DNAH2: variants seen among roughly 807,000 people sequenced by gnomAD.
DNAH2 encodes the protein axonemal beta dynein heavy chain 2.
A neutral mutation model predicts 523.5 loss-of-function variants in DNAH2; 323 were observed. The observed-to-expected ratio is 0.62, with a 90% confidence interval of 0.56 to 0.68. DNAH2 has a LOEUF of 0.68. Among genes scored for constraint, DNAH2 ranks in the 30% least tolerant of loss-of-function variants. The pLI is 0.00. For missense variants in DNAH2, 4,907 were observed against 5,701.5 expected, an observed-to-expected ratio of 0.86 and a Z score of 4.49; for synonymous variants, 2,093 against 2,177.4, an observed-to-expected ratio of 0.96 and a Z score of 1.08.
intron 28 of DNAH2, 97 bp downstream of exon 28, chr17:7,771,565 AG>A: frequency 7.4e-7 from 1 of 1,348,864 alleles, no homozygotes; most frequent in Non-Finnish European, 1.0e-6. Flanking sequence ...TGATGCCCCC[AG>A]CTCTCCTAAC....
chr17:7,795,539 T>C (rs894834923), intron 49 of DNAH2, among the ~76,000 whole-genome samples: 5 of 151,378 alleles, frequency 3.3e-5, no homozygotes, highest in Admixed American at 2.6e-4. Flanking sequence ...CCGGGTGTGG[T>C]GGTGCACACC....
In DNAH2 at chr17:7,817,627, A is replaced by G; in HGVS notation, c.10087A>G (p.Lys3363Glu). The change falls in exon 66 of 86, where the codon AAA becomes GAA. Residue 3363 changes from lysine to glutamate, a missense_variant. By Grantham distance (56) the Lys-to-Glu change is moderately conservative (BLOSUM62 1). Coordinates refer to ENST00000572933, the MANE Select transcript of DNAH2 (RefSeq NM_020877.5). ...AIDNFLCNPTKVRDWNIQGLP... is the reference protein window; with the variant it reads ...AIDNFLCNPTEVRDWNIQGLP... ...CGATAACTTCCTGTGCAATCCTACC[A>G]AAGTCCGGGACTGGAACATCCAAGG... 6.2e-7 allele frequency: 1 copy of G among 1,614,072 alleles called. No homozygotes were observed. Among genetic ancestry groups the G allele is most frequent in the Non-Finnish European group, 8.5e-7 (1 of 1,179,996 alleles).
At position 7,768,073 on chromosome 17, in the gene DNAH2, C is replaced by G; in HGVS notation, c.3837+12C>G. On this transcript the variant is annotated intron_variant, in intron 23 of 85. Coordinates refer to ENST00000572933, the MANE Select transcript of DNAH2 (RefSeq NM_020877.5). Reference sequence around the variant, plus strand: ...CCAAAGAGTATAAGGTGGGGAGAAACGGCGGGGAGGCGGAAGAGAAGCTGG... The same window carrying G: ...CCAAAGAGTATAAGGTGGGGAGAAAGGGCGGGGAGGCGGAAGAGAAGCTGG... 1.2e-6 allele frequency: 2 copies of G among 1,614,066 alleles called. No homozygotes were observed. The highest frequency in any genetic ancestry group is 1.1e-5 in the South Asian group (1 of 91,086).
At chr17:7,790,360 C>T (rs1265010773) in intron 44 of DNAH2, among the ~76,000 whole-genome samples, 2 of 151,946 alleles carry the variant, frequency 1.3e-5, no homozygotes, top group African/African-American at 2.4e-5. Context: ...GTAGCTGGGA[C>T]CGCAGGCGTG....
chr17:7,785,099 T>C (rs1363694757), intron 39 of DNAH2, among the ~76,000 whole-genome samples: 8 of 151,822 alleles, frequency 5.3e-5, no homozygotes, highest in African/African-American at 1.9e-4. Flanking sequence ...AGAGAATTTT[T>C]TTTTTTTTTT....
At chr17:7,757,294 CTCTTA>C in intron 13 of DNAH2, 57 bp downstream of exon 13, 1 of 1,584,228 alleles carries the variant, frequency 6.3e-7, no homozygotes, top group East Asian at 2.3e-5. Context: ...CCTTCTTTTT[CTCTTA>C]TCTGCCCTGT....
intron 63 of DNAH2, 104 bp from the exon 64 acceptor site, chr17:7,816,467 A>G (rs996827081): frequency 3.1e-5 from 42 of 1,354,102 alleles, no homozygotes; most frequent in Admixed American, 6.0e-5. Flanking sequence ...TTAATTTAAC[A>G]AAGCTACAAA....
At chr17:7,830,159 ACGGCT>A in intron 77 of DNAH2, 136 bp from the exon 78 acceptor site, 1 of 803,048 alleles carries the variant, frequency 1.2e-6, no homozygotes, top group Non-Finnish European at 1.9e-6. Context: ...ATGTAGATCA[ACGGCT>A]ACATTTCAGC....
In DNAH2 at chr17:7,768,161, C is replaced by T. The variant is rs756549502; in HGVS notation, c.3838-3C>T. On this transcript the variant is annotated splice_polypyrimidine_tract_variant and splice_region_variant and intron_variant, in intron 23 of 85. Coordinates refer to ENST00000572933, the MANE Select transcript of DNAH2 (RefSeq NM_020877.5). ...TCTTCTCATGCCCCCAACTTTTGCT[C>T]AGGACCGAAACTGGGAAATTATTGA... The T allele has an allele frequency of 1.2e-6, 2 of 1,614,160 alleles. No individual in the cohort carries two copies. Among genetic ancestry groups the T allele is most frequent in the Middle Eastern group, 3.3e-4 (2 of 6,062 alleles).
At position 7,832,176 on chromosome 17, in the gene DNAH2, C is replaced by T. The variant is rs891918865; in HGVS notation, c.12726+401C>T. ...CCTGTAGTTGGGGAACAGGGGCTGC[C>T]ACCACATAGTCTTCTCATATCTGCT... On this transcript the variant is annotated intron_variant, in intron 82 of 85. Coordinates refer to ENST00000572933, the MANE Select transcript of DNAH2 (RefSeq NM_020877.5). The surrounding 1 kb of genome is among the most constrained non-coding windows in gnomAD (Gnocchi z 4.3). Among the ~76,000 whole-genome samples, 1 of 152,118 alleles carries T rather than the reference C, an allele frequency of 6.6e-6. No homozygotes were observed. The highest frequency in any genetic ancestry group is 6.6e-5 in the Admixed American group (1 of 15,256).
chr17:7,818,851 A>T lies in DNAH2; in HGVS notation c.10671-68A>T. The T allele has an allele frequency of 2.5e-6, 4 of 1,608,390 alleles. No individual in the cohort carries two copies. In the South Asian group the frequency reaches 4.4e-5, roughly 18 times the overall value. On this transcript the variant is annotated intron_variant, in intron 70 of 85. Transcript: ENST00000572933. ...AGCCTCCACCCAGTCTACCCCAGGC[A>T]CAACAGCATCCCAGGGAGCCTGGTC...
intron 77 of DNAH2, 56 bp from the exon 78 acceptor site, chr17:7,830,244 G>T: frequency 6.5e-7 from 1 of 1,529,116 alleles, no homozygotes. Context: ...GGCAGTGCTA[G>T]TGGCAGGTCT....
chr17:7,775,922 G>T, intron 30 of DNAH2, 102 bp from the exon 31 acceptor site: 1 of 1,469,160 alleles, frequency 6.8e-7, no homozygotes, highest in Non-Finnish European at 9.2e-7. Flanking sequence ...CTTTTCTCTG[G>T]GTACAAAGCC....
At chr17:7,789,199 G>A (rs2076829399) in intron 44 of DNAH2, among the ~76,000 whole-genome samples, 3 of 152,150 alleles carry the variant, frequency 2.0e-5, no homozygotes, top group Non-Finnish European at 1.5e-5. Context: ...AACCGCAGAT[G>A]GACTTGCCAG....
chr17:7,827,126 C>T (rs183572925), intron 77 of DNAH2, among the ~76,000 whole-genome samples: 5 of 152,114 alleles, frequency 3.3e-5, no homozygotes, highest in African/African-American at 1.2e-4. Flanking sequence ...ATGTTCTTCG[C>T]GTTTTGTAGT....
chr17:7,830,789 C>A lies in DNAH2; in HGVS notation c.12177C>A (p.Thr4059=). 6.2e-7 allele frequency: 1 copy of A among 1,614,098 alleles called. No individual in the cohort carries two copies. The highest frequency in any genetic ancestry group is 8.5e-7 in the Non-Finnish European group (1 of 1,180,048). The change falls in exon 79 of 86, where the codon ACC becomes ACA. Residue 4059 remains threonine, a synonymous_variant. Coordinates refer to ENST00000572933, the MANE Select transcript of DNAH2 (RefSeq NM_020877.5). ...VTDDWDRRLL[T]TYINDYFCDQ... is the part of the protein sequence containing the mutation. ...ATGACTGGGACCGGCGCCTGCTGAC[C>A]ACCTACATCAATGATTATTTCTGTG...
At chr17:7,739,709 C>A in intron 8 of DNAH2, 24 bp from the exon 9 acceptor site, 5 of 1,603,380 alleles carry the variant, frequency 3.1e-6, no homozygotes, top group Non-Finnish European at 4.3e-6. Context: ...AAAGCAGGAA[C>A]CCTCATGCTG....
At chr17:7,824,084 G>A in intron 75 of DNAH2, 37 bp from the exon 76 acceptor site, 1 of 1,568,634 alleles carries the variant, frequency 6.4e-7, no homozygotes, top group African/African-American at 1.3e-5. Context: ...TTGGTCATGT[G>A]GCCTTCTGCC....
At position 7,780,899 on chromosome 17, in the gene DNAH2, C is replaced by G. The variant is rs144735512; in HGVS notation, c.6003+117C>G. On this transcript the variant is annotated intron_variant, in intron 38 of 85. Transcript: ENST00000572933. The surrounding 1 kb of genome is among the most constrained non-coding windows in gnomAD (Gnocchi z 4.4). ...GATTGGGATTCTCACCTTCCCACCT[C>G]GTCCCATCCCCGTGTTGCCCGCTGC... is the stretch of plus-strand genomic sequence containing the variant. 100 of 1,577,424 alleles carry G rather than the reference C, an allele frequency of 6.3e-5. No individual in the cohort carries two copies. In the East Asian group the frequency reaches 2.1e-3, roughly 33 times the overall value.
Sources: gnomAD v4.1 joint callset for allele counts (sites outside exome capture counted in the v4.1 genomes callset) on GRCh38, gnomAD v4.1.1 for gene constraint, Gnocchi (gnomAD v3.1) non-coding constraint, MANE v1.5 for transcripts, NCBI Gene and HGNC (gene_info 2026-07-23, HGNC 2026-07-21) for gene names.